Variants in ROR1 observed in about 807,000 individuals in gnomAD.
The protein encoded by ROR1 is ROR family WNT receptor 1.
A neutral mutation model predicts 78.8 loss-of-function variants in ROR1; 19 were observed. That is an observed-to-expected ratio of 0.24 (90% CI 0.17 to 0.35). The LOEUF is 0.35. ROR1 is among the 10% of genes least tolerant of loss of function. The probability of loss-of-function intolerance (pLI) is 1.00; values close to 1 mark genes in which losing one functional copy is unlikely to be tolerated. For missense variants in ROR1, 917 were observed against 1,177.8 expected, an observed-to-expected ratio of 0.78 and a Z score of 3.24; for synonymous variants, 386 against 433.6, an observed-to-expected ratio of 0.89 and a Z score of 1.36.
chr1:63,886,888 T>C (rs1299714768), intron 1 of ROR1, among the ~76,000 whole-genome samples: 1 of 152,170 alleles, frequency 6.6e-6, no homozygotes, highest in African/African-American at 2.4e-5. Flanking sequence ...GAATGGGAGT[T>C]GAAGTTTGAG....
chr1:63,784,493 G>T (rs770324531), intron 1 of ROR1, among the ~76,000 whole-genome samples: 37 of 152,238 alleles, frequency 2.4e-4, no homozygotes, highest in Non-Finnish European at 4.6e-4. Context: ...AAAGGCATTT[G>T]TAGATGGGAC....
At chr1:64,133,521 C>T (rs963778529) in intron 4 of ROR1, among the ~76,000 whole-genome samples, 7 of 152,160 alleles carry the variant, frequency 4.6e-5, no homozygotes, top group Admixed American at 1.3e-4. Context: ...ACCACATTTG[C>T]GTTTCCCAAT....
At chr1:63,975,365 ATTAAG>A (rs147366169) in intron 1 of ROR1, among the ~76,000 whole-genome samples, 2,456 of 152,294 alleles carry the variant, frequency 0.016, 38 homozygotes, top group Non-Finnish European at 0.026. Context: ...GAGATTCATG[ATTAAG>A]TTATGTCTAT....
intron 1 of ROR1, among the ~76,000 whole-genome samples, chr1:63,857,386 A>G (rs905703612): frequency 6.6e-6 from 1 of 152,222 alleles, no homozygotes; most frequent in Non-Finnish European, 1.5e-5. Context: ...CATATTCTAT[A>G]AACAAACAAA....
intron 1 of ROR1, among the ~76,000 whole-genome samples, chr1:63,868,618 G>A (rs1324555682): frequency 6.6e-6 from 1 of 152,212 alleles, no homozygotes; most frequent in Non-Finnish European, 1.5e-5. Flanking sequence ...AAAGGGCCTG[G>A]CCTAGAGTTA....
intron 1 of ROR1, among the ~76,000 whole-genome samples, chr1:63,991,062 G>C (rs1457706197): frequency 6.6e-6 from 1 of 151,912 alleles, no homozygotes; most frequent in Non-Finnish European, 1.5e-5. Flanking sequence ...TGGACCACAG[G>C]TGCATGACAC....
intron 2 of ROR1, among the ~76,000 whole-genome samples, chr1:64,029,425 A>G (rs1212034271): frequency 2.0e-5 from 3 of 152,104 alleles, no homozygotes; most frequent in Non-Finnish European, 4.4e-5. Context: ...GTCTTTACCC[A>G]TTGATTCTCC....
chr1:64,007,496 C>A (rs72912901), intron 1 of ROR1, among the ~76,000 whole-genome samples: 6,495 of 151,386 alleles, frequency 0.043, 486 homozygotes, highest in African/African-American at 0.15. Context: ...GAACAACAAC[C>A]AAGATTATTT....
At chr1:63,918,008 A>G (rs1266232545) in intron 1 of ROR1, among the ~76,000 whole-genome samples, 2 of 152,144 alleles carry the variant, frequency 1.3e-5, no homozygotes, top group African/African-American at 2.4e-5. Flanking sequence ...TGGGGAGACA[A>G]CTGTTGTTCC....
chr1:64,023,316 G>A (rs1646580507), intron 2 of ROR1, among the ~76,000 whole-genome samples: 1 of 152,154 alleles, frequency 6.6e-6, no homozygotes, highest in Non-Finnish European at 1.5e-5. Context: ...ATCCTACTGA[G>A]AGAGGAATTT....
At chr1:63,778,149 T>G (rs890068611) in intron 1 of ROR1, among the ~76,000 whole-genome samples, 1 of 152,154 alleles carries the variant, frequency 6.6e-6, no homozygotes, top group African/African-American at 2.4e-5. Context: ...TTCAAGAGTG[T>G]TATGAGATTG....
Position 64,009,390 on chromosome 1 carries a change from G to T in ROR1, c.163+14G>T. On this transcript the variant is annotated intron_variant, in intron 2 of 8. Coordinates refer to ENST00000371079, the MANE Select transcript of ROR1 (RefSeq NM_005012.4). ...AACTCAACAAAGGTACACAGTGGGG[G>T]CACACAGGGGAGGCGAGGAAAGAGG... The T allele has an allele frequency of 6.3e-7, 1 of 1,597,920 alleles. No homozygotes were observed. The highest frequency in any genetic ancestry group is 8.6e-7 in the Non-Finnish European group (1 of 1,165,570).
chr1:63,799,192 C>T (rs993896082), intron 1 of ROR1, among the ~76,000 whole-genome samples: 1 of 152,112 alleles, frequency 6.6e-6, no homozygotes, highest in African/African-American at 2.4e-5. Context: ...GTGACTGGCA[C>T]GTAGTAGGTG....
At chr1:64,098,955 G>C (rs750643110) in intron 4 of ROR1, among the ~76,000 whole-genome samples, 1 of 152,032 alleles carries the variant, frequency 6.6e-6, no homozygotes, top group Non-Finnish European at 1.5e-5. Context: ...ATTTTGCCCT[G>C]TTTTACAGTT....
intron 4 of ROR1, among the ~76,000 whole-genome samples, chr1:64,063,558 C>T (rs1026498020): frequency 6.6e-6 from 1 of 152,256 alleles, no homozygotes. Context: ...AATTGCTCTC[C>T]TCTTTTTTAA....
At chr1:64,123,858 CA>C (rs1648626480) in intron 4 of ROR1, among the ~76,000 whole-genome samples, 1 of 151,946 alleles carries the variant, frequency 6.6e-6, no homozygotes, top group African/African-American at 2.4e-5. Context: ...CCTTTTACCC[CA>C]AAATAATTCC....
intron 1 of ROR1, among the ~76,000 whole-genome samples, chr1:63,846,110 G>C (rs1419480440): frequency 4.1e-5 from 6 of 145,858 alleles, no homozygotes; most frequent in African/African-American, 1.5e-4. Context: ...TTGACAGAGA[G>C]AGAGAGAATG....
intron 8 of ROR1, among the ~76,000 whole-genome samples, chr1:64,168,414 A>G (rs1422266197): frequency 6.6e-6 from 1 of 152,246 alleles, no homozygotes; most frequent in Non-Finnish European, 1.5e-5. Flanking sequence ...CACATGGCAG[A>G]TATTTAATAA....
chr1:63,977,749 G>T (rs922871275), intron 1 of ROR1, among the ~76,000 whole-genome samples: 4 of 152,160 alleles, frequency 2.6e-5, no homozygotes, highest in Non-Finnish European at 5.9e-5. Flanking sequence ...TCAAAATTCT[G>T]ATGTTACTTC....
Sources: allele counts gnomAD v4.1 joint callset (sites outside exome capture counted in the v4.1 genomes callset), GRCh38; gene constraint gnomAD v4.1.1; transcripts MANE v1.5; gene names NCBI Gene and HGNC (gene_info 2026-07-23, HGNC 2026-07-21).